Variants in ERG observed in about 807,000 individuals in gnomAD.
The protein encoded by ERG is ETS transcription factor ERG.
In ERG, 9 loss-of-function variants were observed where a neutral mutation model predicts 55.3. The ratio of observed to expected loss-of-function variants is 0.16; its 90% CI spans 0.10 to 0.28. ERG has a LOEUF of 0.28. ERG is among the 10% of genes least tolerant of loss of function. The pLI, the probability that ERG is intolerant of heterozygous loss-of-function variation, is 1.00. For missense variants in ERG, 434 were observed against 631.6 expected (o/e 0.69, Z 3.35); for synonymous variants, 223 against 237.3 (o/e 0.94, Z 0.55).
intron 1 of ERG, among the ~76,000 whole-genome samples, chr21:38,450,589 C>A (rs992454284): frequency 9.9e-5 from 15 of 152,124 alleles, no homozygotes; most frequent in Admixed American, 7.2e-4. Flanking sequence ...GAATTTGGTA[C>A]ATCACTTAAC....
At chr21:38,558,357 A>G (rs2059871003) in intron 2 of ERG, among the ~76,000 whole-genome samples, 1 of 152,250 alleles carries the variant, frequency 6.6e-6, no homozygotes, top group Admixed American at 6.5e-5. Context: ...AGTAATAAGA[A>G]GATGAGTACT....
Position 38,435,385 on chromosome 21 carries a change from A to G in ERG, c.236+10019T>C, listed in dbSNP as rs1286206810. On this transcript the variant is annotated intron_variant, in intron 2 of 9. Transcript: ENST00000288319. ...TGGGTCTGTTTTATTTCTGAATCAG[A>G]GGCAGTGGAAAAGCTGTTTCAGACC... 2.0e-5 allele frequency among the ~76,000 whole-genome samples: 3 copies of G among 152,286 alleles called. No individual in the cohort carries two copies. In the East Asian group the frequency reaches 5.8e-4, roughly 29 times the overall value.
the ERG span, among the ~76,000 whole-genome samples, chr21:38,368,195 A>G: frequency 6.6e-6 from 1 of 151,920 alleles, no homozygotes; most frequent in Non-Finnish European, 1.5e-5. Flanking sequence ...AGAGGTAATC[A>G]CTATCTTGGC....
chr21:38,376,675 T>C (rs1987251328), downstream of ERG, among the ~76,000 whole-genome samples: 1 of 152,254 alleles, frequency 6.6e-6, no homozygotes, highest in South Asian at 2.1e-4. Flanking sequence ...CCTCTGACCC[T>C]AAGCATCAGA....
chr21:38,433,933 C>T (rs1990342363), intron 2 of ERG, among the ~76,000 whole-genome samples: 1 of 152,162 alleles, frequency 6.6e-6, no homozygotes, highest in East Asian at 1.9e-4. Flanking sequence ...ATTCCTCTTG[C>T]ACCTGGACAC....
intron 2 of ERG, among the ~76,000 whole-genome samples, chr21:38,527,483 G>T (rs529359268): frequency 1.7e-4 from 26 of 152,326 alleles, no homozygotes; most frequent in African/African-American, 6.3e-4. Flanking sequence ...AATAATCCCT[G>T]AATGATTCCT....
intron 3 of ERG, 52 bp from the exon 4 acceptor site, chr21:38,403,761 T>G: frequency 1.3e-6 from 2 of 1,542,266 alleles, no homozygotes; most frequent in Non-Finnish European, 1.8e-6. Flanking sequence ...GGGATCTTCA[T>G]CTTGGGGTAG....
chr21:38,559,118 C>G (rs1458699402), intron 2 of ERG, among the ~76,000 whole-genome samples: 1 of 152,190 alleles, frequency 6.6e-6, no homozygotes, highest in Admixed American at 6.5e-5. Flanking sequence ...AGCCACAGAC[C>G]TTGCTCCATG....
chr21:38,639,623 A>G (rs948735954), intron 1 of ERG, among the ~76,000 whole-genome samples: 1 of 152,220 alleles, frequency 6.6e-6, no homozygotes, highest in African/African-American at 2.4e-5. Context: ...AACAAGGCAC[A>G]TCTCTGTGAC....
At chr21:38,408,132 G>A (rs1194186119) in intron 3 of ERG, among the ~76,000 whole-genome samples, 2 of 152,122 alleles carry the variant, frequency 1.3e-5, no homozygotes, top group African/African-American at 4.8e-5. Flanking sequence ...AAACAATGGT[G>A]AAAACAAAAC....
upstream of ERG, among the ~76,000 whole-genome samples, chr21:38,589,413 GA>G (rs2060086570): frequency 6.6e-6 from 1 of 152,162 alleles, no homozygotes; most frequent in African/African-American, 2.4e-5. Context: ...CTCCCTTATG[GA>G]AGGAAACATA....
At chr21:38,581,096 AAAAGATGCTCAGTCAAGTTTGG>A (rs921431934) in intron 1 of ERG, among the ~76,000 whole-genome samples, 2 of 152,200 alleles carry the variant, frequency 1.3e-5, no homozygotes, top group African/African-American at 4.8e-5. Context: ...GGTGCAGCCC[AAAAGATGCTCAGTCAAGTTTGG>A]AAAGGCACTC....
chr21:38,568,849 C>T (rs773283919), intron 2 of ERG, among the ~76,000 whole-genome samples: 11 of 152,216 alleles, frequency 7.2e-5, no homozygotes, highest in Non-Finnish European at 1.6e-4. Flanking sequence ...CCTCATCAAG[C>T]ACCCGAGGGT....
chr21:38,510,749 T>C (rs1214195653), intron 2 of ERG, among the ~76,000 whole-genome samples: 1 of 152,164 alleles, frequency 6.6e-6, no homozygotes, highest in Non-Finnish European at 1.5e-5. Flanking sequence ...ACCACCTAAT[T>C]TTTTTCTCAC....
intron 2 of ERG, among the ~76,000 whole-genome samples, chr21:38,544,520 G>A (rs755422316): frequency 2.0e-5 from 3 of 152,180 alleles, no homozygotes; most frequent in African/African-American, 7.2e-5. Context: ...GATCTGCAGA[G>A]AATACATAGT....
intron 2 of ERG, among the ~76,000 whole-genome samples, chr21:38,438,642 G>A (rs1337678982): frequency 1.3e-5 from 2 of 152,174 alleles, no homozygotes; most frequent in East Asian, 1.9e-4. Context: ...ATTGTCTCTC[G>A]CTGCACAGGC....
At chr21:38,539,754 C>A (rs1161236376) in intron 2 of ERG, among the ~76,000 whole-genome samples, 1 of 152,044 alleles carries the variant, frequency 6.6e-6, no homozygotes, top group Non-Finnish European at 1.5e-5. Context: ...GAGCGGCTCT[C>A]AGGGACTGAC....
rs778084861 is a variant in ERG, at chr21:38,423,432, C to T, written c.366G>A (p.Glu122=). 5 of 1,613,768 alleles carry T rather than the reference C, an allele frequency of 3.1e-6. No homozygotes were observed. The highest frequency in any genetic ancestry group is 4.5e-5 in the East Asian group (2 of 44,880). The part of the protein sequence containing the change: ...HMPPPNMTTN[E]RRVIVPADPT... ...GACCTGCTGGCACGATAACTCTGCG[C>T]TCGTTCGTGGTCATGTTTGGGGGTG... The change falls in exon 3 of 10, where the codon GAG becomes GAA. Residue 122 remains glutamate, a synonymous_variant. Transcript: ENST00000288319.
At chr21:38,473,426 CAT>C (rs72247853) in intron 1 of ERG, among the ~76,000 whole-genome samples, 19,192 of 148,664 alleles carry the variant, frequency 0.13, 2,078 homozygotes, top group African/African-American at 0.29. Context: ...TATATATATA[CAT>C]ATATATATAT....
Sources: allele counts gnomAD v4.1 joint callset (sites outside exome capture counted in the v4.1 genomes callset), GRCh38; gene constraint gnomAD v4.1.1; transcripts MANE v1.5; gene names NCBI Gene and HGNC (gene_info 2026-07-23, HGNC 2026-07-21).